The following POU2F2 variants were observed in gnomAD, a reference collection of about 807,000 sequenced individuals.
The protein encoded by POU2F2 is POU domain, class 2, transcription factor 2.
Under a neutral mutation model 63.5 loss-of-function variants are expected in POU2F2, and 14 were observed. That is an observed-to-expected ratio of 0.22 (90% CI 0.15 to 0.34). The LOEUF (loss-of-function observed/expected upper bound fraction) is 0.34, where lower values mean the gene tolerates loss of function less well. Among genes scored for constraint, POU2F2 ranks in the 10% least tolerant of loss-of-function variants. The probability of loss-of-function intolerance (pLI) is 1.00; values close to 1 mark genes in which losing one functional copy is unlikely to be tolerated. For missense variants in POU2F2, 607 were observed against 815.2 expected, an observed-to-expected ratio of 0.74 and a Z score of 3.11; for synonymous variants, 306 against 348.6, an observed-to-expected ratio of 0.88 and a Z score of 1.36.
At chr19:42,175,629 A>G (rs1285917645) in intron 1 of POU2F2, among the ~76,000 whole-genome samples, 1 of 152,122 alleles carries the variant, frequency 6.6e-6, no homozygotes, top group Non-Finnish European at 1.5e-5. Context: ...GAAAGAAAAA[A>G]CAGTAAAGGA....
At chr19:42,102,763 A>G (rs2077193301) in intron 5 of POU2F2, among the ~76,000 whole-genome samples, 1 of 152,186 alleles carries the variant, frequency 6.6e-6, no homozygotes, top group Non-Finnish European at 1.5e-5. Context: ...GGAAGGGCAA[A>G]ATGTTGATAT....
chr19:42,132,277 G>T, intron 1 of POU2F2, 107 bp downstream of exon 1: 1 of 1,309,928 alleles, frequency 7.6e-7, no homozygotes, highest in Non-Finnish European at 1.1e-6. Context: ...GTACAGAGGA[G>T]AAGGACAATG....
Position 42,095,771 on chromosome 19 carries a change from C to G in POU2F2, c.871+17G>C. ...CCACTGCCCGCCCCCTACGCGGGAA[C>G]CCCAGCCTGGTCCCACCTGCATCGT... On this transcript the variant is annotated intron_variant, in intron 9 of 14. Transcript: ENST00000692977. This position sits in a 1 kb window ranked among gnomAD's most constrained non-coding sequence, Gnocchi z 7.1. 1 of 1,613,850 alleles carries G rather than the reference C, an allele frequency of 6.2e-7. No individual in the cohort carries two copies.
intron 2 of POU2F2, among the ~76,000 whole-genome samples, chr19:42,154,760 TCTCA>T (rs982277268): frequency 6.7e-6 from 1 of 149,452 alleles, no homozygotes; most frequent in African/African-American, 2.4e-5. Flanking sequence ...AAGTGATGTC[TCTCA>T]CACACACACA....
At chr19:42,124,153 A>C (rs2032952518) in intron 1 of POU2F2, among the ~76,000 whole-genome samples, 1 of 151,902 alleles carries the variant, frequency 6.6e-6, no homozygotes, top group Admixed American at 6.6e-5. Context: ...AAGACACAAA[A>C]ATTAGCTGGG....
At chr19:42,097,884 CTTTTAGTGTA>C (rs1711186297) in intron 7 of POU2F2, among the ~76,000 whole-genome samples, 1 of 152,194 alleles carries the variant, frequency 6.6e-6, no homozygotes, top group African/African-American at 2.4e-5. Flanking sequence ...GAAGCGTAGG[CTTTTAGTGTA>C]TCCATCACCC....
intron 1 of POU2F2, among the ~76,000 whole-genome samples, chr19:42,164,085 C>G (rs2034602900): frequency 6.6e-6 from 1 of 152,154 alleles, no homozygotes. Flanking sequence ...AATCAGAATT[C>G]TGAGTTTGGA....
intron 5 of POU2F2, among the ~76,000 whole-genome samples, chr19:42,103,259 C>T (rs572938353): frequency 6.6e-6 from 1 of 152,186 alleles, no homozygotes; most frequent in Non-Finnish European, 1.5e-5. Flanking sequence ...CCAGGCATCG[C>T]TCCTCCTGTT....
At position 42,184,190 on chromosome 19, in the gene POU2F2, C is replaced by T. The variant is rs534346424; in HGVS notation, c.-70+12193G>A. Among the ~76,000 whole-genome samples the T allele has an allele frequency of 2.6e-5, 4 of 152,104 alleles. No homozygotes were observed. The East Asian group carries it at 7.7e-4, about 29-fold the overall frequency. On this transcript the variant is annotated intron_variant, in intron 1 of 5. Transcript: ENST00000532176. ...ATTTTGTGGTAGAGACAGGTTTTTGCCATGTTGCACAGCCTGGTCTTGAAC... is the reference window on the plus strand; with the variant it reads ...ATTTTGTGGTAGAGACAGGTTTTTGTCATGTTGCACAGCCTGGTCTTGAAC...
intron 2 of POU2F2, among the ~76,000 whole-genome samples, chr19:42,151,387 G>A (rs891594224): frequency 1.3e-5 from 2 of 152,116 alleles, no homozygotes; most frequent in African/African-American, 2.4e-5. Flanking sequence ...TCAACCTCTC[G>A]GAGGCTGGGC....
rs1152713 is a variant in POU2F2 at position 42,111,802 on chromosome 19, A to G, written c.369+5448T>C. 3.2e-3 allele frequency among the ~76,000 whole-genome samples: 479 copies of G among 151,906 alleles called. 2 individuals carry two copies. Among genetic ancestry groups the G allele is most frequent in the Middle Eastern group, 0.01 (3 of 294 alleles). On this transcript the variant is annotated intron_variant, in intron 5 of 14. Coordinates refer to ENST00000692977, the MANE Select transcript of POU2F2 (RefSeq NM_001394376.1). ...CTACTGGGCTCTCTTTTCTACTCTT[A>G]TCCCCTGCAGTCCATTCTCCTATCC...
At chr19:42,111,251 T>G (rs745434957) in intron 5 of POU2F2, among the ~76,000 whole-genome samples, 72 of 152,188 alleles carry the variant, frequency 4.7e-4, no homozygotes, top group Non-Finnish European at 9.1e-4. Flanking sequence ...TCAAGTAGCT[T>G]GGGGGCTATG....
intron 1 of POU2F2, among the ~76,000 whole-genome samples, chr19:42,131,943 C>T (rs932093653): frequency 6.6e-6 from 1 of 152,156 alleles, no homozygotes; most frequent in Admixed American, 6.5e-5. Flanking sequence ...AACTACTGCA[C>T]ACACACATGC....
At chr19:42,127,140 G>A (rs2146678513) in intron 1 of POU2F2, among the ~76,000 whole-genome samples, 1 of 151,024 alleles carries the variant, frequency 6.6e-6, no homozygotes, top group South Asian at 2.1e-4. Flanking sequence ...TTTTTTTGTA[G>A]AGACGGGTCT....
Position 42,096,020 on chromosome 19 carries a change from C to T in POU2F2, c.729+62G>A. 2.5e-6 allele frequency: 4 copies of T among 1,609,542 alleles called. No individual in the cohort carries two copies. The highest frequency in any genetic ancestry group is 3.4e-6 in the Non-Finnish European group (4 of 1,177,860). ...GCCCGCCCACTGGCCACGCCCCTCG[C>T]GGCATCTATCAACTGGCCACGCCCC... is the stretch of plus-strand genomic sequence containing the variant. On this transcript the variant is annotated intron_variant, in intron 8 of 14. Coordinates refer to ENST00000692977, the MANE Select transcript of POU2F2 (RefSeq NM_001394376.1). This position sits in a 1 kb window ranked among gnomAD's most constrained non-coding sequence, Gnocchi z 4.1.
At chr19:42,192,089 T>C (rs1286233229) in intron 1 of POU2F2, among the ~76,000 whole-genome samples, 1 of 152,144 alleles carries the variant, frequency 6.6e-6, no homozygotes, top group Non-Finnish European at 1.5e-5. Context: ...ACCCAAGGTG[T>C]GGTCATGGGA....
chr19:42,170,501 G>A (rs987224927), intron 1 of POU2F2, among the ~76,000 whole-genome samples: 1 of 151,368 alleles, frequency 6.6e-6, no homozygotes, highest in Non-Finnish European at 1.5e-5. Flanking sequence ...TTCAATAGAC[G>A]CAAACACACA....
intron 1 of POU2F2, among the ~76,000 whole-genome samples, chr19:42,128,721 G>A (rs1036347753): frequency 5.9e-5 from 9 of 152,092 alleles, no homozygotes; most frequent in Non-Finnish European, 4.4e-5. Context: ...GATGCCCATC[G>A]CCTATCACTC....
chr19:42,129,984 T>C (rs960060709), intron 1 of POU2F2, among the ~76,000 whole-genome samples: 7 of 152,172 alleles, frequency 4.6e-5, no homozygotes, highest in African/African-American at 2.4e-5. Flanking sequence ...GTGAACAGGT[T>C]TGCAGATACG....
Sources: allele counts gnomAD v4.1 joint callset (sites outside exome capture counted in the v4.1 genomes callset), GRCh38; gene constraint gnomAD v4.1.1; non-coding constraint Gnocchi (gnomAD v3.1); transcripts MANE v1.5; gene names NCBI Gene and HGNC (gene_info 2026-07-23, HGNC 2026-07-21).